DDX17: variants seen among roughly 807,000 people sequenced by gnomAD.
The protein encoded by DDX17 is DEAD-box helicase 17, also known as probable ATP-dependent RNA helicase DDX17.
In DDX17, 10 loss-of-function variants were observed where a neutral mutation model predicts 80.8. The observed-to-expected ratio is 0.12, with a 90% CI of 0.08 to 0.21. DDX17 has a LOEUF of 0.21. DDX17 is among the 10% of genes least tolerant of loss of function. The pLI is 1.00. For missense variants in DDX17, 586 were observed against 957.4 expected (o/e 0.61, Z 5.12); for synonymous variants, 339 against 336.2 (o/e 1.01, Z -0.09).
rs764766645 is a variant in DDX17, at chr22:38,492,003, C to G, written c.1447+53G>C. 2.3e-6 allele frequency: 3 copies of G among 1,320,804 alleles called. No individual in the cohort carries two copies. In the East Asian group the frequency reaches 7.6e-5, roughly 33 times the overall value. The allele number at this position is 1,320,804 out of a possible 1,614,324, so 81.8% of individuals were successfully genotyped here. A position where few individuals can be genotyped will look rare whatever the true frequency, so the allele number is the denominator to read the frequency against. On this transcript the variant is annotated intron_variant, in intron 11 of 12. Transcript: ENST00000403230. Reference sequence around the variant, plus strand: ...GAAGTCTGAATTTGAAATGACGAATCTTTAAACCAAAAGATACATATACCA... The same window carrying G: ...GAAGTCTGAATTTGAAATGACGAATGTTTAAACCAAAAGATACATATACCA...
intron 11 of DDX17, chr22:38,490,499 A>G (rs187323058): frequency 4.4e-5 from 54 of 1,239,690 alleles, no homozygotes; most frequent in Non-Finnish European, 2.5e-5. Flanking sequence ...AGTTCAAACA[A>G]AAAAAAGGAA....
intron 11 of DDX17, chr22:38,491,777 T>G: frequency 3.3e-6 from 1 of 298,918 alleles, no homozygotes; most frequent in East Asian, 6.1e-5. Flanking sequence ...CTCCCTCTGT[T>G]TGAATAGTCA....
intron 5 of DDX17, among the ~76,000 whole-genome samples, chr22:38,496,925 C>T (rs1448770671): frequency 6.6e-6 from 1 of 152,084 alleles, no homozygotes; most frequent in Non-Finnish European, 1.5e-5. Flanking sequence ...ATAAGTACTG[C>T]ATTATTTCTT....
chr22:38,500,507 C>G (rs748314591), intron 2 of DDX17, among the ~76,000 whole-genome samples: 2 of 151,400 alleles, frequency 1.3e-5, no homozygotes, highest in African/African-American at 4.9e-5. Flanking sequence ...GAGCAAGATT[C>G]CGTCTCAAAA....
In DDX17 at chr22:38,506,085, T is replaced by G. The variant is rs777532671; in HGVS notation, c.153A>C (p.Pro51=). 6.3e-7 allele frequency: 1 copy of G among 1,579,156 alleles called. No homozygotes were observed. Residue 51 remains proline (P), a synonymous_variant, in exon 1 of 13, where the codon CCA becomes CCC. Transcript: ENST00000403230. The stretch of plus-strand genomic sequence containing the variant: ...GCGGCTCCGGTCTGGTGACGACCGA[T>G]GGCGGCGGCGCCTCCGCTGTTGGGG...
In DDX17 at chr22:38,486,424, G is replaced by A. The variant is rs907730255; in HGVS notation, c.1701C>T (p.Tyr567=). ...GATTGTTGGCTGAAGAAGTGGTCCGGTAACGAGAACGACCACCTAATGGGA... is the reference window on the plus strand; with the variant it reads ...GATTGTTGGCTGAAGAAGTGGTCCGATAACGAGAACGACCACCTAATGGGA... The change falls in exon 13 of 13, where the codon TAC becomes TAT. Residue 567 remains tyrosine (Y), a synonymous_variant. Coordinates refer to ENST00000403230, the MANE Select transcript of DDX17 (RefSeq NM_006386.5). The A allele has an allele frequency of 6.2e-7, 1 of 1,609,164 alleles. No individual in the cohort carries two copies. Among genetic ancestry groups the A allele is most frequent in the Non-Finnish European group, 8.5e-7 (1 of 1,177,048 alleles).
rs762058898 is a variant in DDX17, at chr22:38,486,168, G to C, written c.1957C>G (p.Gln653Glu). The C allele has an allele frequency of 6.2e-7, 1 of 1,614,168 alleles. No homozygotes were observed. Among genetic ancestry groups the C allele is most frequent in the African/African-American group, 1.3e-5 (1 of 75,036 alleles). ...CCATAAGTGCCAGCACCATATTCTT[G>C]AGCTGTATAGCTACTGGTGCCATAA... Residue 653 changes from glutamine to glutamate, a missense_variant, in exon 13 of 13, where the codon CAA becomes GAA. Gln to Glu is a conservative substitution (Grantham distance 29). This residue lies in a region of DDX17 where 221 missense variants were observed against 261.4 expected (regional missense o/e 0.85). Transcript: ENST00000403230.
At chr22:38,491,178 A>G (rs2089710242) in intron 11 of DDX17, 1 of 152,260 alleles carries the variant, frequency 6.6e-6, no homozygotes, top group Admixed American at 6.5e-5. Flanking sequence ...TGATGAGTGC[A>G]ATGCATAAAA....
chr22:38,494,210 A>G lies in DDX17; in HGVS notation c.1215-79T>C, dbSNP rs1262258222. The G allele has an allele frequency of 4.2e-6, 4 of 958,372 alleles. No homozygotes were observed. In the East Asian group the frequency reaches 9.6e-5, roughly 23 times the overall value. The allele number at this position is 958,372 out of a possible 1,614,324, so 59.4% of individuals were successfully genotyped here. On this transcript the variant is annotated intron_variant, in intron 8 of 12. Transcript: ENST00000403230. ...ATTATGTCTGCAATATCAACTCCCA[A>G]GGCTACAGTACTTTCTTTGCACATT...
Position 38,493,787 on chromosome 22 carries a change from T to C in DDX17, c.1326-16A>G, listed in dbSNP as rs757218292. On this transcript the variant is annotated splice_polypyrimidine_tract_variant and intron_variant, in intron 9 of 12. Coordinates refer to ENST00000403230, the MANE Select transcript of DDX17 (RefSeq NM_006386.5). Reference sequence around the variant, plus strand: ...AGCTGGCCAACTATCAGAAGAAAAGTGACCAATATTTTAAAAATCTTTTAA... The same window carrying C: ...AGCTGGCCAACTATCAGAAGAAAAGCGACCAATATTTTAAAAATCTTTTAA... 1 of 1,609,122 alleles carries C rather than the reference T, an allele frequency of 6.2e-7. No homozygotes were observed. The highest frequency in any genetic ancestry group is 8.5e-7 in the Non-Finnish European group (1 of 1,177,134).
rs755879572 is a variant in DDX17, at chr22:38,485,246, GCAATT to G, written c.*684_*688del. 1.7e-4 allele frequency: 26 copies of G among 152,096 alleles called. No homozygotes were observed. Among genetic ancestry groups the G allele is most frequent in the Non-Finnish European group, 3.7e-4 (25 of 68,014 alleles). The allele number at this position is 152,096 out of a possible 1,614,324, so 9.4% of individuals were successfully genotyped here. ...TAATTTAAAGGATACACAAAACTCA[GCAATT>G]CAATTTCTAGCCTGACACTAAAATG... On this transcript the variant is annotated 3_prime_UTR_variant, in exon 13 of 13. Coordinates refer to ENST00000403230, the MANE Select transcript of DDX17 (RefSeq NM_006386.5).
chr22:38,494,221 C>T (rs181487135), intron 8 of DDX17, 90 bp from the exon 9 acceptor site: 1 of 893,172 alleles, frequency 1.1e-6, no homozygotes, highest in Admixed American at 2.2e-5. Flanking sequence ...GGCTACAGTA[C>T]TTTCTTTGCA....
intron 10 of DDX17, among the ~76,000 whole-genome samples, chr22:38,492,547 C>A (rs140065520): frequency 1.3e-5 from 2 of 152,124 alleles, no homozygotes; most frequent in Non-Finnish European, 2.9e-5. Context: ...AGTGCAGTGG[C>A]GCAATCTCAG....
chr22:38,488,506 TTA>T, intron 11 of DDX17: 1 of 1,059,912 alleles, frequency 9.4e-7, no homozygotes, highest in Non-Finnish European at 1.1e-6. Context: ...CACTGTGAAG[TTA>T]TGAGGCCAAA....
chr22:38,495,960 TG>T, intron 5 of DDX17, 23 bp from the exon 6 acceptor site: 1 of 1,439,992 alleles, frequency 6.9e-7, no homozygotes, highest in South Asian at 1.5e-5. Flanking sequence ...AAAAGACACT[TG>T]AGACCTCATC....
chr22:38,490,750 C>T, intron 11 of DDX17: 1 of 220,034 alleles, frequency 4.5e-6, no homozygotes, highest in South Asian at 5.2e-5. Flanking sequence ...GGTTTTCTCC[C>T]TCTTTTGATT....
intron 1 of DDX17, among the ~76,000 whole-genome samples, chr22:38,504,865 A>T (rs1023046588): frequency 6.6e-6 from 1 of 151,560 alleles, no homozygotes; most frequent in Non-Finnish European, 1.5e-5. Context: ...ATCTTGACCA[A>T]GGTCACACAC....
chr22:38,488,301 G>T, intron 11 of DDX17, 186 bp from the exon 12 acceptor site: 3 of 1,487,260 alleles, frequency 2.0e-6, no homozygotes, highest in Admixed American at 2.3e-5. Context: ...GAGGATTACT[G>T]ATTCCTGGGA....
Position 38,488,301 on chromosome 22 carries a change from G to A in DDX17, c.1448-186C>T, listed in dbSNP as rs878927799. 5.5e-5 allele frequency: 82 copies of A among 1,487,262 alleles called. 1 individual carries two copies. The South Asian group carries it at 1.1e-3, about 20-fold the overall frequency. 92.1% of individuals were successfully genotyped at this position (1,487,262 alleles called of 1,614,324 possible). On this transcript the variant is annotated intron_variant, in intron 11 of 12. Transcript: ENST00000403230. ...CCCAACAGAGTAAAAGAGGATTACT[G>A]ATTCCTGGGACATGCATAGGAAATA...
Sources: allele counts gnomAD v4.1 joint callset (sites outside exome capture counted in the v4.1 genomes callset), GRCh38; gene constraint gnomAD v4.1.1; regional missense constraint gnomAD v4.1.1; transcripts MANE v1.5; gene names NCBI Gene and HGNC (gene_info 2026-07-23, HGNC 2026-07-21).